The following FAM78B variants were observed in gnomAD, a reference collection of about 807,000 sequenced individuals.
FAM78B encodes the protein family with sequence similarity 78 member B, also known as protein FAM78B.
FAM78B carries 10 observed loss-of-function variants against 20.0 expected under a neutral mutation model. That is an observed-to-expected ratio of 0.50 (90% confidence interval 0.31 to 0.85). The LOEUF (loss-of-function observed/expected upper bound fraction) is 0.85. Ranked by LOEUF, FAM78B falls within the 40% of genes least tolerant of loss-of-function variation. The pLI, the probability that FAM78B is intolerant of heterozygous loss-of-function variation, is 0.05. For missense variants in FAM78B, 283 were observed against 345.0 expected (o/e 0.82, Z 1.42); for synonymous variants, 135 against 132.8 (o/e 1.02, Z -0.12).
Position 166,158,384 on chromosome 1 carries a change from CAT to C in FAM78B, c.263+7600_263+7601del, listed in dbSNP as rs1655999144. Among the ~76,000 whole-genome samples the C allele has an allele frequency of 2.0e-5, 3 of 152,206 alleles. No homozygotes were observed. In the East Asian group the frequency reaches 5.8e-4, roughly 29 times the overall value. ...AAAAAGAACCAGAGTAGTCAGAGCA[CAT>C]GAGCTAGACTCCTGGCACGGCTCCT... On this transcript the variant is annotated intron_variant, in intron 1 of 1. Transcript: ENST00000354422.
chr1:166,153,645 GAGA>G (rs989086591), intron 1 of FAM78B, among the ~76,000 whole-genome samples: 16 of 152,168 alleles, frequency 1.1e-4, no homozygotes, highest in African/African-American at 3.9e-4. Context: ...TGCAAGCTTA[GAGA>G]AGGAGGGCCA....
intron 1 of FAM78B, among the ~76,000 whole-genome samples, chr1:166,104,381 G>T (rs1653676030): frequency 6.6e-6 from 1 of 152,098 alleles, no homozygotes. Flanking sequence ...AGGAAATATA[G>T]GGTATTCAAT....
intron 1 of FAM78B, among the ~76,000 whole-genome samples, chr1:166,146,368 T>C (rs1040601300): frequency 3.9e-5 from 6 of 152,230 alleles, no homozygotes; most frequent in Non-Finnish European, 7.3e-5. Context: ...TTGATTTTCA[T>C]AGTCCTCTCA....
chr1:166,141,708 T>A (rs1655284722), intron 1 of FAM78B, among the ~76,000 whole-genome samples: 1 of 152,200 alleles, frequency 6.6e-6, no homozygotes, highest in African/African-American at 2.4e-5. Flanking sequence ...AAAGGCTGAC[T>A]GATAGATAAG....
exon 3 of FAM78B, chr1:166,057,955 T>G (rs899989659): frequency 2.3e-5 from 3 of 131,970 alleles, no homozygotes; most frequent in Non-Finnish European, 3.5e-5. Context: ...TTTGTTTTTG[T>G]TTTTTTTGGG....
At chr1:166,061,993 TA>T (rs1388525233) in intron 2 of FAM78B, among the ~76,000 whole-genome samples, 1 of 152,216 alleles carries the variant, frequency 6.6e-6, no homozygotes, top group Non-Finnish European at 1.5e-5. Flanking sequence ...TTATTTCTGT[TA>T]TATTTATTAT....
intron 1 of FAM78B, among the ~76,000 whole-genome samples, chr1:166,106,810 C>T (rs1414800191): frequency 1.3e-5 from 2 of 151,920 alleles, no homozygotes; most frequent in Non-Finnish European, 1.5e-5. Flanking sequence ...CACTTATACC[C>T]GAAACCTCAG....
At chr1:166,145,885 G>C (rs577353415) in intron 1 of FAM78B, among the ~76,000 whole-genome samples, 2 of 152,234 alleles carry the variant, frequency 1.3e-5, no homozygotes, top group Admixed American at 6.5e-5. Flanking sequence ...CCTCCTTCTG[G>C]CTTTGGACAA....
intron 1 of FAM78B, among the ~76,000 whole-genome samples, chr1:166,132,306 G>T (rs1015494714): frequency 6.8e-6 from 1 of 147,614 alleles, no homozygotes; most frequent in South Asian, 2.2e-4. Context: ...CCTAACCCTC[G>T]CGGTGTGAAG....
intron 1 of FAM78B, among the ~76,000 whole-genome samples, chr1:166,091,717 G>A (rs75769976): frequency 0.031 from 4,675 of 152,248 alleles, 267 homozygotes; most frequent in Admixed American, 0.14. Flanking sequence ...TTCATGGGAA[G>A]GTAACCATAA....
chr1:166,101,092 G>C (rs552490039), intron 1 of FAM78B, among the ~76,000 whole-genome samples: 1 of 152,190 alleles, frequency 6.6e-6, no homozygotes, highest in Admixed American at 6.5e-5. Context: ...GGTCTGGAGT[G>C]GGCCTCTGGC....
At chr1:166,123,922 G>A (rs544483056) in intron 1 of FAM78B, among the ~76,000 whole-genome samples, 2 of 152,310 alleles carry the variant, frequency 1.3e-5, no homozygotes, top group African/African-American at 4.8e-5. Flanking sequence ...CCAGTAGAAT[G>A]GGGAATGTGA....
At chr1:166,106,453 A>C (rs1227673287) in intron 1 of FAM78B, among the ~76,000 whole-genome samples, 1 of 152,186 alleles carries the variant, frequency 6.6e-6, no homozygotes, top group African/African-American at 2.4e-5. Flanking sequence ...ATTAAAAAAA[A>C]AAGAAAATAT....
At chr1:166,100,536 G>A (rs1273096022) in intron 1 of FAM78B, among the ~76,000 whole-genome samples, 1 of 152,226 alleles carries the variant, frequency 6.6e-6, no homozygotes, top group African/African-American at 2.4e-5. Context: ...CAGCACACCA[G>A]GAGATTATAT....
intron 1 of FAM78B, among the ~76,000 whole-genome samples, chr1:166,123,802 G>A (rs919674): frequency 0.73 from 111,334 of 152,070 alleles, 41,457 homozygotes; most frequent in Non-Finnish European, 0.82. Context: ...CCAGCAACAC[G>A]CCATGAGGGG....
chr1:166,078,473 C>T (rs1571140431), intron 1 of FAM78B, among the ~76,000 whole-genome samples: 1 of 152,168 alleles, frequency 6.6e-6, no homozygotes, highest in Non-Finnish European at 1.5e-5. Flanking sequence ...ATAATGAAAA[C>T]ATTGATTATG....
chr1:166,092,405 C>A (rs918296868), intron 1 of FAM78B, among the ~76,000 whole-genome samples: 2 of 152,194 alleles, frequency 1.3e-5, no homozygotes, highest in African/African-American at 4.8e-5. Flanking sequence ...CTTGTTCAAA[C>A]GGGCCCCTCC....
intron 1 of FAM78B, among the ~76,000 whole-genome samples, chr1:166,077,466 T>TC (rs1181859539): frequency 2.0e-5 from 3 of 151,610 alleles, no homozygotes; most frequent in Middle Eastern, 3.4e-3. Context: ...GAAAAATAAC[T>TC]CCAGATCTCC....
intron 2 of FAM78B, among the ~76,000 whole-genome samples, chr1:166,064,087 G>A (rs1651710744): frequency 6.6e-6 from 1 of 152,200 alleles, no homozygotes; most frequent in African/African-American, 2.4e-5. Context: ...GCAGCCCTGA[G>A]GTGAACTGTG....
Sources: gnomAD v4.1 joint callset for allele counts (sites outside exome capture counted in the v4.1 genomes callset) on GRCh38, gnomAD v4.1.1 for gene constraint, MANE v1.5 for transcripts, NCBI Gene and HGNC (gene_info 2026-07-23, HGNC 2026-07-21) for gene names.